The following COX10 variants were observed in gnomAD, a reference collection of about 807,000 sequenced individuals.
COX10 encodes protoheme IX farnesyltransferase, mitochondrial.
COX10 carries 27 observed loss-of-function variants against 37.3 expected under a neutral mutation model. That is an observed-to-expected ratio of 0.72 (90% CI 0.53 to 1.00). COX10 has a LOEUF of 1.00. COX10 is among the 50% of genes least tolerant of loss of function. The pLI, the probability that COX10 is intolerant of heterozygous loss-of-function variation, is 0.00. For synonymous variants in COX10, 222 were observed against 229.1 expected (o/e 0.97, Z 0.28); for missense variants, 475 against 563.2 (o/e 0.84, Z 1.59).
intron 4 of COX10, among the ~76,000 whole-genome samples, chr17:14,159,605 A>G (rs750181135): frequency 1.3e-5 from 2 of 152,162 alleles, no homozygotes; most frequent in Non-Finnish European, 2.9e-5. Context: ...TGCATATGCC[A>G]AGGGACTTGG....
At position 14,076,719 on chromosome 17, in the gene COX10, G is replaced by GTTT; in HGVS notation, c.178-15_178-14insTTT. 1 of 1,613,858 alleles carries GTTT rather than the reference G, an allele frequency of 6.2e-7. No individual in the cohort carries two copies. Among genetic ancestry groups the GTTT allele is most frequent in the Non-Finnish European group, 8.5e-7 (1 of 1,179,870 alleles). ...TGGGGCCTTGGTTTTATAGTAATGTGTGCTTTTTTGTTTAGTATGTCACAC... is the reference window on the plus strand; with the variant it reads ...TGGGGCCTTGGTTTTATAGTAATGTGTTTTGCTTTTTTGTTTAGTATGTCACAC... On this transcript the variant is annotated splice_polypyrimidine_tract_variant and intron_variant, in intron 2 of 6. Coordinates refer to ENST00000261643, the MANE Select transcript of COX10 (RefSeq NM_001303.4).
At chr17:14,159,158 CAAGAT>C (rs1384858489) in intron 4 of COX10, among the ~76,000 whole-genome samples, 2 of 152,092 alleles carry the variant, frequency 1.3e-5, no homozygotes, top group Non-Finnish European at 2.9e-5. Context: ...ATGCTGGCAC[CAAGAT>C]GTAAATTAGA....
At chr17:14,120,672 A>G (rs1682822873) in intron 4 of COX10, among the ~76,000 whole-genome samples, 2 of 152,200 alleles carry the variant, frequency 1.3e-5, no homozygotes, top group African/African-American at 4.8e-5. Context: ...TGGGATAAAA[A>G]TGAATGGTAG....
chr17:14,182,230 C>T lies in COX10; in HGVS notation c.696-9759C>T, dbSNP rs972537071. The T allele has an allele frequency of 6.6e-5, 51 of 772,646 alleles. No homozygotes were observed. In the African/African-American group the frequency reaches 8.9e-4, roughly 13 times the overall value. The allele number at this position is 772,646 out of a possible 1,614,324, so 47.9% of individuals were successfully genotyped here. On this transcript the variant is annotated intron_variant, in intron 5 of 6. Transcript: ENST00000261643. ...AATCACTTGACACCAAGAGTTTGAG[C>T]ATTTTTTAGAGATGGGACCCCATTT...
At chr17:14,193,520 T>G (rs1906274935) in intron 6 of COX10, among the ~76,000 whole-genome samples, 1 of 148,742 alleles carries the variant, frequency 6.7e-6, no homozygotes, top group Non-Finnish European at 1.5e-5. Flanking sequence ...TGCAGCCTTG[T>G]CCTCTGGCTG....
chr17:14,087,673 T>C (rs1470058235), intron 3 of COX10, among the ~76,000 whole-genome samples: 3 of 152,074 alleles, frequency 2.0e-5, no homozygotes, highest in Non-Finnish European at 4.4e-5. Flanking sequence ...GAGGGAACTT[T>C]TTCTCCGAAA....
chr17:14,111,150 G>C (rs930293618), intron 4 of COX10, among the ~76,000 whole-genome samples: 1 of 152,110 alleles, frequency 6.6e-6, no homozygotes, highest in Admixed American at 6.6e-5. Context: ...TTTAAAATTT[G>C]TGTGTAAGTG....
chr17:14,148,245 A>T (rs1904788005), intron 4 of COX10, among the ~76,000 whole-genome samples: 1 of 152,148 alleles, frequency 6.6e-6, no homozygotes, highest in Non-Finnish European at 1.5e-5. Context: ...CATTATTTCA[A>T]ATGCCTCATG....
intron 3 of COX10, among the ~76,000 whole-genome samples, chr17:14,099,855 A>G (rs1915737078): frequency 6.6e-6 from 1 of 151,638 alleles, no homozygotes; most frequent in Non-Finnish European, 1.5e-5. Context: ...CGGTTTCTCA[A>G]AACAGCACAT....
At chr17:14,118,395 T>C (rs1439080092) in intron 4 of COX10, among the ~76,000 whole-genome samples, 1 of 152,168 alleles carries the variant, frequency 6.6e-6, no homozygotes, top group Non-Finnish European at 1.5e-5. Context: ...TTTTAGTCTT[T>C]TAATCAGTTT....
At chr17:14,099,581 G>A (rs1597500243) in intron 3 of COX10, among the ~76,000 whole-genome samples, 1 of 151,904 alleles carries the variant, frequency 6.6e-6, no homozygotes, top group African/African-American at 2.4e-5. Context: ...GGACACCCAT[G>A]CCACCTTATT....
At chr17:14,149,480 G>T (rs3785680) in intron 4 of COX10, among the ~76,000 whole-genome samples, 18 of 151,972 alleles carry the variant, frequency 1.2e-4, no homozygotes, top group Non-Finnish European at 2.6e-4. Flanking sequence ...TTTTAGCGGC[G>T]ATACTGTGTC....
chr17:14,176,471 T>G (rs539768560), intron 5 of COX10, among the ~76,000 whole-genome samples: 2 of 152,292 alleles, frequency 1.3e-5, no homozygotes, highest in South Asian at 4.1e-4. Context: ...ATTCTCCACC[T>G]CTTCTCTACT....
At chr17:14,176,670 T>C (rs766308224) in intron 5 of COX10, among the ~76,000 whole-genome samples, 88 of 152,098 alleles carry the variant, frequency 5.8e-4, no homozygotes, top group African/African-American at 2.0e-3. Flanking sequence ...AAGGATAATT[T>C]TGAATATAAT....
At chr17:14,142,964 C>CT (rs1476649760) in intron 4 of COX10, among the ~76,000 whole-genome samples, 2 of 152,138 alleles carry the variant, frequency 1.3e-5, no homozygotes, top group African/African-American at 4.8e-5. Context: ...TGACAAATGT[C>CT]TTACCCTGCT....
chr17:14,079,779 A>G (rs1258837912), intron 3 of COX10, among the ~76,000 whole-genome samples: 4 of 152,026 alleles, frequency 2.6e-5, no homozygotes, highest in South Asian at 2.1e-4. Flanking sequence ...CGCCTTCTCT[A>G]TATAGACACA....
chr17:14,133,201 T>G (rs1221813147), intron 4 of COX10, among the ~76,000 whole-genome samples: 1 of 151,670 alleles, frequency 6.6e-6, no homozygotes, highest in Non-Finnish European at 1.5e-5. Flanking sequence ...TGTATTTTCT[T>G]TAATAATCAA....
At chr17:14,080,464 C>T (rs1017108912) in intron 3 of COX10, among the ~76,000 whole-genome samples, 21 of 152,056 alleles carry the variant, frequency 1.4e-4, no homozygotes, top group Non-Finnish European at 2.1e-4. Context: ...CCACCCGCCT[C>T]GGCCTCCCAA....
At chr17:14,181,391 C>T (rs1461965217) in intron 5 of COX10, among the ~76,000 whole-genome samples, 3 of 151,430 alleles carry the variant, frequency 2.0e-5, no homozygotes, top group African/African-American at 7.3e-5. Flanking sequence ...GGCCAAAGGT[C>T]CTGGTCCCAA....
Sources: gnomAD v4.1 joint callset for allele counts (sites outside exome capture counted in the v4.1 genomes callset) on GRCh38, gnomAD v4.1.1 for gene constraint, MANE v1.5 for transcripts, NCBI Gene and HGNC (gene_info 2026-07-23, HGNC 2026-07-21) for gene names.